Variants in OIP5 observed in about 807,000 individuals in gnomAD.
OIP5 encodes protein Mis18-beta.
Under a neutral mutation model 20.3 loss-of-function variants are expected in OIP5, and 24 were observed. The observed-to-expected ratio is 1.18, with a 90% CI of 0.86 to 1.66. OIP5 has a LOEUF of 1.66. Ranked by LOEUF, OIP5 falls within the 40% of genes most tolerant of loss-of-function variation. The probability of loss-of-function intolerance (pLI) is 0.00; values close to 1 mark genes in which losing one functional copy is unlikely to be tolerated. For synonymous variants in OIP5, 143 were observed against 121.3 expected, an observed-to-expected ratio of 1.18 and a Z score of -1.17; for missense variants, 339 against 289.5, an observed-to-expected ratio of 1.17 and a Z score of -1.24.
Position 41,309,520 on chromosome 15 carries a change from A to C in OIP5, c.*234T>G, listed in dbSNP as rs1051892154. ...TTCAGAGATAAGTATTATGAATTCA[A>C]TAAGAATCTAAAGTAAGTTCTTAAG... On this transcript the variant is annotated 3_prime_UTR_variant, in exon 5 of 5. Coordinates refer to ENST00000220514, the MANE Select transcript of OIP5 (RefSeq NM_007280.2). 8 of 357,252 alleles carry C rather than the reference A, an allele frequency of 2.2e-5. No individual in the cohort carries two copies. Among genetic ancestry groups the C allele is most frequent in the Non-Finnish European group, 5.1e-6 (1 of 196,872 alleles). 22.1% of individuals were successfully genotyped at this position (357,252 alleles called of 1,614,324 possible).
intron 3 of OIP5, 141 bp downstream of exon 3, chr15:41,319,517 G>C: frequency 8.3e-6 from 6 of 727,090 alleles, no homozygotes; most frequent in Non-Finnish European, 1.1e-5. Context: ...GCCTCCTAAA[G>C]TGCTGGGATT....
rs567514513 is a variant in OIP5 at position 41,330,312 on chromosome 15, T to C, written c.389+1603A>G. Among the ~76,000 whole-genome samples the C allele has an allele frequency of 5.3e-5, 8 of 152,024 alleles. No individual in the cohort carries two copies. The East Asian group carries it at 1.6e-3, about 30-fold the overall frequency. ...CAGGGTTTCTCCATTTTGGTCAGGC[T>C]GGTCTCGAACTCCCGACCTCTGGTG... On this transcript the variant is annotated intron_variant, in intron 2 of 4. Transcript: ENST00000220514.
rs556149337 is a variant in OIP5 at position 41,321,771 on chromosome 15, G to GGGA, written c.390-1994_390-1992dup. Among the ~76,000 whole-genome samples, 940 of 150,880 alleles carry GGGA rather than the reference G, an allele frequency of 6.2e-3. 12 individuals are homozygous for GGGA. Among genetic ancestry groups the GGGA allele is most frequent in the African/African-American group, 0.021 (883 of 41,100 alleles). On this transcript the variant is annotated intron_variant, in intron 2 of 4. Coordinates refer to ENST00000220514, the MANE Select transcript of OIP5 (RefSeq NM_007280.2). ...ACCACTCCCTAATCTCAAGTACCCA[G>GGGA]GGACACAAACACTGCGGAAGGCCGC...
intron 3 of OIP5, among the ~76,000 whole-genome samples, chr15:41,317,256 T>TAG (rs1383568132): frequency 1.3e-5 from 2 of 152,158 alleles, no homozygotes; most frequent in Non-Finnish European, 2.9e-5. Flanking sequence ...ATCCCATACA[T>TAG]AGAGCTTTCA....
In OIP5 at chr15:41,332,359, G is replaced by C; in HGVS notation, c.203C>G (p.Ser68Cys). 6.2e-7 allele frequency: 1 copy of C among 1,612,758 alleles called. No individual in the cohort carries two copies. Among genetic ancestry groups the C allele is most frequent in the Non-Finnish European group, 8.5e-7 (1 of 1,179,256 alleles). Residue 68 changes from serine (S) to cysteine (C), a missense_variant, in exon 1 of 5, where the codon TCT (serine) becomes TGT (cysteine). Coordinates refer to ENST00000220514, the MANE Select transcript of OIP5 (RefSeq NM_007280.2). Reference protein sequence around the residue: ...EEPAAGPQLPSWLQPERCAVF... With the variant: ...EEPAAGPQLPCWLQPERCAVF... ...AGCGCACCTCTCAGGCTGCAGCCAA[G>C]ACGGCAGCTGCGGGCCGGCGGCTGG...
chr15:41,323,523 T>A (rs1453533042), intron 2 of OIP5, among the ~76,000 whole-genome samples: 1 of 151,980 alleles, frequency 6.6e-6, no homozygotes, highest in African/African-American at 2.4e-5. Context: ...TTGGATGGAG[T>A]GCAGTGGTAC....
At chr15:41,330,834 G>C (rs567526698) in intron 2 of OIP5, among the ~76,000 whole-genome samples, 29 of 152,306 alleles carry the variant, frequency 1.9e-4, no homozygotes, top group African/African-American at 6.7e-4. Context: ...AGTGATTACA[G>C]TATAGGACAG....
chr15:41,332,588 G>T lies in OIP5; in HGVS notation c.-27C>A. 1.3e-6 allele frequency: 2 copies of T among 1,579,680 alleles called. No individual in the cohort carries two copies. Among genetic ancestry groups the T allele is most frequent in the Non-Finnish European group, 1.7e-6 (2 of 1,163,702 alleles). On this transcript the variant is annotated 5_prime_UTR_variant, in exon 1 of 5. Transcript: ENST00000220514. ...TTCCCGCAGCCGGCGCCTTCCTTTC[G>T]AATACACGCCAGGCCCCGCCCCAAG...
chr15:41,326,719 C>G (rs866224653), intron 2 of OIP5, among the ~76,000 whole-genome samples: 8 of 152,196 alleles, frequency 5.3e-5, no homozygotes, highest in Non-Finnish European at 1.0e-4. Flanking sequence ...AGCCACCGTG[C>G]CCGGCCCCAT....
At chr15:41,315,196 G>A (rs566252450) in intron 3 of OIP5, among the ~76,000 whole-genome samples, 74 of 151,736 alleles carry the variant, frequency 4.9e-4, no homozygotes, top group African/African-American at 7.0e-4. Context: ...TTGGGAGGCC[G>A]AGGCGGGGGG....
At chr15:41,327,303 T>G (rs2047867937) in intron 2 of OIP5, among the ~76,000 whole-genome samples, 1 of 151,678 alleles carries the variant, frequency 6.6e-6, no homozygotes, top group South Asian at 2.1e-4. Context: ...TGCCTCAGCC[T>G]CCCCAGTAGC....
At position 41,309,840 on chromosome 15, in the gene OIP5, T is replaced by C. The variant is rs377350927; in HGVS notation, c.604A>G (p.Lys202Glu). 1.2e-6 allele frequency: 2 copies of C among 1,609,572 alleles called. No individual in the cohort carries two copies. The highest frequency in any genetic ancestry group is 3.4e-5 in the Admixed American group (2 of 59,638). ...AAGCGATTGTGCGTTAGCACTATCT[T>C]CTCTTTCAGCTAGGAAGAGAAATAT... The part of the protein sequence containing the change: ...LSEKIAELKE[K>E]IVLTHNRLKS... Residue 202 changes from lysine to glutamate, a missense_variant, in exon 5 of 5, where the codon AAG becomes GAG. Transcript: ENST00000220514.
At chr15:41,330,427 T>TTTTTA (rs1461735786) in intron 2 of OIP5, among the ~76,000 whole-genome samples, 3 of 149,868 alleles carry the variant, frequency 2.0e-5, no homozygotes, top group Non-Finnish European at 3.0e-5. Context: ...TTTTTTTTTT[T>TTTTTA]TGATACGGAG....
At chr15:41,331,738 A>C (rs1173243183) in intron 2 of OIP5, among the ~76,000 whole-genome samples, 177 bp downstream of exon 2, 1 of 152,178 alleles carries the variant, frequency 6.6e-6, no homozygotes. Context: ...CCTCAGGAAG[A>C]TCCTAAAACC....
chr15:41,324,699 G>C (rs966245287), intron 2 of OIP5, among the ~76,000 whole-genome samples: 1 of 151,950 alleles, frequency 6.6e-6, no homozygotes, highest in Non-Finnish European at 1.5e-5. Flanking sequence ...ATGTTGGTCA[G>C]GCTGGTCTTG....
intron 1 of OIP5, 98 bp downstream of exon 1, chr15:41,332,142 G>A: frequency 2.1e-6 from 3 of 1,411,230 alleles, no homozygotes; most frequent in South Asian, 2.5e-5. Flanking sequence ...TTTTCATCCC[G>A]TTTTCTTCCC....
At chr15:41,315,538 T>C (rs930115968) in intron 3 of OIP5, among the ~76,000 whole-genome samples, 2 of 152,110 alleles carry the variant, frequency 1.3e-5, no homozygotes, top group Non-Finnish European at 2.9e-5. Flanking sequence ...ATAGATGTAA[T>C]GACTGTAATT....
At chr15:41,312,613 CCAT>C (rs1478452732) in intron 4 of OIP5, among the ~76,000 whole-genome samples, 3 of 151,364 alleles carry the variant, frequency 2.0e-5, no homozygotes, top group Non-Finnish European at 4.4e-5. Flanking sequence ...GCGCCCACCA[CCAT>C]GACCGGCTAA....
At position 41,309,688 on chromosome 15, in the gene OIP5, T is replaced by A. The variant is rs2047741731; in HGVS notation, c.*66A>T. Reference sequence around the variant, plus strand: ...AAGCCAATCTTTTTCAAGAAATGACTAAGCAGCACCTGTTGTTGAAGACAG... The same window carrying A: ...AAGCCAATCTTTTTCAAGAAATGACAAAGCAGCACCTGTTGTTGAAGACAG... On this transcript the variant is annotated 3_prime_UTR_variant, in exon 5 of 5. Transcript: ENST00000220514. The A allele has an allele frequency of 3.9e-6, 4 of 1,018,568 alleles. No homozygotes were observed. Among genetic ancestry groups the A allele is most frequent in the Admixed American group, 2.2e-5 (1 of 46,408 alleles). 63.1% of individuals were successfully genotyped at this position (1,018,568 alleles called of 1,614,324 possible). A position where few individuals can be genotyped will look rare whatever the true frequency, so the allele number is the denominator to read the frequency against.
Sources: allele counts gnomAD v4.1 joint callset (sites outside exome capture counted in the v4.1 genomes callset), GRCh38; gene constraint gnomAD v4.1.1; transcripts MANE v1.5; gene names NCBI Gene and HGNC (gene_info 2026-07-23, HGNC 2026-07-21).